The following PLEKHA8 variants were observed in gnomAD, a reference collection of about 807,000 sequenced individuals.
The protein encoded by PLEKHA8 is pleckstrin homology domain containing A8.
Under a neutral mutation model 68.2 loss-of-function variants are expected in PLEKHA8, and 36 were observed. The ratio of observed to expected loss-of-function variants is 0.53; its 90% CI spans 0.40 to 0.70. The LOEUF (loss-of-function observed/expected upper bound fraction) is 0.70. Ranked by LOEUF, PLEKHA8 falls within the 30% of genes least tolerant of loss-of-function variation. PLEKHA8 has a pLI of 0.00. For synonymous variants in PLEKHA8, 211 were observed against 216.1 expected, an observed-to-expected ratio of 0.98 and a Z score of 0.20; for missense variants, 505 against 615.4, an observed-to-expected ratio of 0.82 and a Z score of 1.90.
chr7:30,082,404 A>G lies in PLEKHA8; in HGVS notation c.*3617A>G. 1.0e-6 allele frequency: 1 copy of G among 985,424 alleles called. No individual in the cohort carries two copies. The highest frequency in any genetic ancestry group is 1.2e-6 in the Non-Finnish European group (1 of 829,960). 61.0% of individuals were successfully genotyped at this position (985,424 alleles called of 1,614,324 possible). A position where few individuals can be genotyped will look rare whatever the true frequency, so the allele number is the denominator to read the frequency against. On this transcript the variant is annotated 3_prime_UTR_variant, in exon 14 of 14. Coordinates refer to ENST00000449726, the MANE Select transcript of PLEKHA8 (RefSeq NM_001197026.2). ...AGAGTATCTGGCACCACCTTAGCCC[A>G]GGGCTGCGTGCCTGATCAGTGGGGA...
At chr7:30,048,060 C>A in intron 4 of PLEKHA8, 104 bp downstream of exon 4, 1 of 632,200 alleles carries the variant, frequency 1.6e-6, no homozygotes, top group Non-Finnish European at 2.1e-6. Context: ...ATTAATATTA[C>A]TAATATACCT....
downstream of PLEKHA8, among the ~76,000 whole-genome samples, chr7:30,086,661 A>G (rs1795195166): frequency 6.6e-6 from 1 of 152,224 alleles, no homozygotes; most frequent in Non-Finnish European, 1.5e-5. Flanking sequence ...CTGTTCTACC[A>G]TCACTCTATG....
intron 13 of PLEKHA8, among the ~76,000 whole-genome samples, chr7:30,112,990 A>G (rs1299073777): frequency 6.6e-6 from 1 of 152,072 alleles, no homozygotes; most frequent in Non-Finnish European, 1.5e-5. Flanking sequence ...TATACAAATA[A>G]CCTTAGAACA....
rs572928994 is a variant in PLEKHA8, at chr7:30,111,523, T to A, written c.1363-17743T>A. 2.0e-5 allele frequency among the ~76,000 whole-genome samples: 3 copies of A among 152,330 alleles called. No individual in the cohort carries two copies. In the South Asian group the frequency reaches 6.2e-4, roughly 32 times the overall value. On this transcript the variant is annotated intron_variant, in intron 13 of 13. Transcript: ENST00000396257. The stretch of plus-strand genomic sequence containing the variant: ...GTTGTTTCTTAGTTTTCTATATCAT[T>A]CATTTCTGTCTTATTTTTTAATTTT...
intron 13 of PLEKHA8, among the ~76,000 whole-genome samples, chr7:30,115,582 A>G (rs1300971556): frequency 6.6e-6 from 1 of 150,636 alleles, no homozygotes; most frequent in Non-Finnish European, 1.5e-5. Context: ...ACATGCACGT[A>G]TACATGTAGA....
exon 13 of PLEKHA8, chr7:30,090,300 G>A (rs745679433): frequency 8.6e-7 from 1 of 1,165,656 alleles, no homozygotes; most frequent in Non-Finnish European, 1.2e-6. Flanking sequence ...TTCTGTGACG[G>A]GAAACAATGG....
At chr7:30,111,154 T>G (rs967517987) in intron 13 of PLEKHA8, among the ~76,000 whole-genome samples, 2 of 152,164 alleles carry the variant, frequency 1.3e-5, no homozygotes, top group African/African-American at 4.8e-5. Flanking sequence ...TCCACCCACC[T>G]CGGCCTCCCA....
At chr7:30,087,212 C>A (rs931722638), downstream of PLEKHA8, among the ~76,000 whole-genome samples, 1 of 152,204 alleles carries the variant, frequency 6.6e-6, no homozygotes, top group Non-Finnish European at 1.5e-5. Flanking sequence ...CCCTCATCCT[C>A]CCCTTCCCTT....
chr7:30,053,175 T>G (rs1792560460), intron 7 of PLEKHA8, among the ~76,000 whole-genome samples: 1 of 152,214 alleles, frequency 6.6e-6, no homozygotes, highest in South Asian at 2.1e-4. Context: ...GATTATGATG[T>G]TATACGTAAC....
In PLEKHA8 at chr7:30,082,843, C is replaced by T. The variant is rs1019806052; in HGVS notation, c.*4056C>T. ...GAGTCAGAGGGTCATGAGCAATAGA[C>T]GATGATGCGAGGCATTTGGGGAGCT... On this transcript the variant is annotated 3_prime_UTR_variant, in exon 14 of 14. Coordinates refer to ENST00000449726, the MANE Select transcript of PLEKHA8 (RefSeq NM_001197026.2). 44 of 985,030 alleles carry T rather than the reference C, an allele frequency of 4.5e-5. No individual in the cohort carries two copies. The Admixed American group carries it at 4.9e-4, about 11-fold the overall frequency. The allele number at this position is 985,030 out of a possible 1,614,324, so 61.0% of individuals were successfully genotyped here. A position where few individuals can be genotyped will look rare whatever the true frequency, so the allele number is the denominator to read the frequency against.
chr7:30,105,357 G>A (rs1796020150), intron 13 of PLEKHA8, among the ~76,000 whole-genome samples: 1 of 145,838 alleles, frequency 6.9e-6, no homozygotes, highest in South Asian at 2.2e-4. Context: ...GGTGGTATAT[G>A]CCTATAGTTC....
Position 30,060,963 on chromosome 7 carries a change from C to T in PLEKHA8, c.1098+21C>T, listed in dbSNP as rs755073775. 1.9e-6 allele frequency: 3 copies of T among 1,606,906 alleles called. No individual in the cohort carries two copies. In the Admixed American group the frequency reaches 5.1e-5, roughly 27 times the overall value. ...TTAAGGTGAGCATACTGGTTTGTCT[C>T]TGTGGAAACTTTTAAATAAAGGAAA... On this transcript the variant is annotated intron_variant, in intron 10 of 13. Transcript: ENST00000449726.
At position 30,073,988 on chromosome 7, in the gene PLEKHA8, T is replaced by TAAAA; in HGVS notation, c.1301-73_1301-70dup. The TAAAA allele has an allele frequency of 4.4e-6, 4 of 899,950 alleles. No homozygotes were observed. The Admixed American group carries it at 8.5e-5, about 19-fold the overall frequency. 55.7% of individuals were successfully genotyped at this position (899,950 alleles called of 1,614,324 possible). On this transcript the variant is annotated intron_variant, in intron 12 of 13. Transcript: ENST00000449726. ...GTGACAGAGCAAGACCCTGTCTCTT[T>TAAAA]AAAAAAAAAAAAAGTACATTATACA...
chr7:30,090,791 C>A, downstream of PLEKHA8: 1 of 286,860 alleles, frequency 3.5e-6, no homozygotes, highest in Non-Finnish European at 5.2e-6. Flanking sequence ...AAATACGAGC[C>A]AATTAGCTGA....
At chr7:30,102,504 AGAAATGG>A (rs1237604205) in intron 13 of PLEKHA8, among the ~76,000 whole-genome samples, 1 of 152,258 alleles carries the variant, frequency 6.6e-6, no homozygotes, top group Non-Finnish European at 1.5e-5. Context: ...CACAGTAGCC[AGAAATGG>A]GAAACAACCC....
At chr7:30,048,150 G>A (rs1304451784) in intron 4 of PLEKHA8, among the ~76,000 whole-genome samples, 194 bp downstream of exon 4, 2 of 151,960 alleles carry the variant, frequency 1.3e-5, no homozygotes, top group Admixed American at 1.3e-4. Context: ...CTATTTTATA[G>A]AGGAAAAAAG....
downstream of PLEKHA8, chr7:30,130,148 C>T (rs1796849407): frequency 1.3e-5 from 2 of 152,224 alleles, no homozygotes; most frequent in Non-Finnish European, 2.9e-5. Flanking sequence ...CTCTTGGGAC[C>T]TCTCTCTAGA....
At chr7:30,043,941 A>G (rs1053346817) in intron 1 of PLEKHA8, among the ~76,000 whole-genome samples, 3 of 152,118 alleles carry the variant, frequency 2.0e-5, no homozygotes, top group African/African-American at 7.2e-5. Context: ...ATGTATCCCT[A>G]AAGGGCTGTG....
intron 12 of PLEKHA8, chr7:30,071,986 A>C (rs1312799875): frequency 6.6e-6 from 1 of 152,186 alleles, no homozygotes; most frequent in Admixed American, 6.5e-5. Context: ...ATTTCTCAGG[A>C]TATCCTCACT....
Sources: gnomAD v4.1 joint callset for allele counts (sites outside exome capture counted in the v4.1 genomes callset) on GRCh38, gnomAD v4.1.1 for gene constraint, MANE v1.5 for transcripts, NCBI Gene and HGNC (gene_info 2026-07-23, HGNC 2026-07-21) for gene names.